Variants in CUX1 observed in about 807,000 individuals in gnomAD.
CUX1 encodes the protein protein CASP.
In CUX1, 31 loss-of-function variants were observed where a neutral mutation model predicts 158.8. The ratio of observed to expected loss-of-function variants is 0.20; its 90% confidence interval spans 0.15 to 0.26. The LOEUF is 0.26. Ranked by LOEUF, CUX1 falls within the 10% of genes least tolerant of loss-of-function variation. The pLI, the probability that CUX1 is intolerant of heterozygous loss-of-function variation, is 1.00. For synonymous variants in CUX1, 879 were observed against 862.1 expected (o/e 1.02, Z -0.34); for missense variants, 1,589 against 2,014.6 (o/e 0.79, Z 4.04).
chr7:102,274,049 G>GGCCT, intron 15 of CUX1: 3 of 578,040 alleles, frequency 5.2e-6, no homozygotes, highest in Non-Finnish European at 9.6e-6. Context: ...GAGTGACTCA[G>GGCCT]GGCCCAGCCA....
intron 2 of CUX1, among the ~76,000 whole-genome samples, chr7:101,966,826 T>A (rs1238522233): frequency 6.6e-6 from 1 of 151,992 alleles, no homozygotes; most frequent in African/African-American, 2.4e-5. Context: ...GCCTAGGGGA[T>A]CCTCTGGGCC....
intron 2 of CUX1, among the ~76,000 whole-genome samples, chr7:101,978,571 C>G (rs984244732): frequency 6.6e-6 from 1 of 152,282 alleles, no homozygotes; most frequent in African/African-American, 2.4e-5. Context: ...AGTTTTATTT[C>G]TAACGAATGC....
chr7:102,157,032 C>T (rs1289768357), intron 8 of CUX1, among the ~76,000 whole-genome samples: 1 of 152,218 alleles, frequency 6.6e-6, no homozygotes, highest in Admixed American at 6.5e-5. Context: ...GACGAGAAGG[C>T]ATTCAGGCAG....
chr7:102,097,278 G>A (rs1321312010), intron 4 of CUX1, 86 bp from the exon 5 acceptor site: 20 of 1,482,748 alleles, frequency 1.3e-5, no homozygotes, highest in Non-Finnish European at 1.7e-5. Context: ...TGATGTCCCA[G>A]GAGCCCCACT....
At chr7:102,008,881 G>A (rs935752675) in intron 2 of CUX1, among the ~76,000 whole-genome samples, 4 of 152,224 alleles carry the variant, frequency 2.6e-5, no homozygotes, top group Non-Finnish European at 5.9e-5. Flanking sequence ...GGGCACAGAT[G>A]TAGGTGGAGC....
At position 102,254,830 on chromosome 7, in the gene CUX1, G is replaced by T. The variant is rs782008455; in HGVS notation, c.*5788G>T. ...GAATGCCAGTCTGGCCGGCACACTC[G>T]AACGCTAAGAGAATGGTCCAATTTG... On this transcript the variant is annotated 3_prime_UTR_variant, in exon 24 of 24. Coordinates refer to ENST00000292535, the MANE Select transcript of CUX1 (RefSeq NM_181552.4). The T allele has an allele frequency of 7.4e-5, 73 of 985,450 alleles. No homozygotes were observed. Among genetic ancestry groups the T allele is most frequent in the Middle Eastern group, 5.2e-4 (1 of 1,914 alleles). The allele number at this position is 985,450 out of a possible 1,614,324, so 61.0% of individuals were successfully genotyped here.
chr7:101,913,687 G>C (rs1014687970), intron 1 of CUX1, among the ~76,000 whole-genome samples: 50 of 152,126 alleles, frequency 3.3e-4, no homozygotes, highest in African/African-American at 1.2e-3. Flanking sequence ...ATCGGTAGAT[G>C]CCCACCGATT....
At chr7:102,222,014 T>G (rs1554527102) in intron 20 of CUX1, among the ~76,000 whole-genome samples, 1 of 152,070 alleles carries the variant, frequency 6.6e-6, no homozygotes, top group Non-Finnish European at 1.5e-5. Flanking sequence ...ATCCCAGCAC[T>G]TTGGGAGGCA....
intron 11 of CUX1, among the ~76,000 whole-genome samples, chr7:102,186,513 AAATGCGTCAATAGGTG>A (rs1793629544): frequency 6.6e-6 from 1 of 152,258 alleles, no homozygotes; most frequent in South Asian, 2.1e-4. Flanking sequence ...GTGTTCTGAG[AAATGCGTCAATAGGTG>A]AATGCGTTGT....
chr7:102,041,479 C>G (rs1822087717), intron 3 of CUX1, among the ~76,000 whole-genome samples: 2 of 151,240 alleles, frequency 1.3e-5, no homozygotes, highest in African/African-American at 4.9e-5. Context: ...GTCTTGAACT[C>G]CTGGCCTCAA....
At chr7:102,207,631 C>T (rs1554522072) in intron 20 of CUX1, among the ~76,000 whole-genome samples, 2 of 152,008 alleles carry the variant, frequency 1.3e-5, no homozygotes, top group Middle Eastern at 3.4e-3. Context: ...TTTGTAGTTT[C>T]GGTAGTGACA....
chr7:102,028,988 A>ATTTTTT (rs71519103), intron 3 of CUX1, among the ~76,000 whole-genome samples: 4 of 114,246 alleles, frequency 3.5e-5, no homozygotes, highest in Non-Finnish European at 3.5e-5. Context: ...AGTCTTAGGG[A>ATTTTTT]TTTTTTTTTT....
chr7:102,032,703 T>C (rs1461383613), intron 3 of CUX1, among the ~76,000 whole-genome samples: 1 of 151,650 alleles, frequency 6.6e-6, no homozygotes, highest in African/African-American at 2.4e-5. Context: ...AATAAAAGTT[T>C]CAGATAATGA....
chr7:101,998,826 T>A (rs1482705883), intron 2 of CUX1, among the ~76,000 whole-genome samples: 1 of 152,186 alleles, frequency 6.6e-6, no homozygotes, highest in Non-Finnish European at 1.5e-5. Context: ...TCCAGCTCTC[T>A]CTTCGTCGCT....
chr7:102,253,490 C>A lies in CUX1; in HGVS notation c.*4448C>A, dbSNP rs1266594732. ...GGTTGGACTGGATGACTTTGTTCCT[C>A]CTGCATGCATGTCCTTTGATGCAAG... On this transcript the variant is annotated 3_prime_UTR_variant, in exon 24 of 24. Coordinates refer to ENST00000292535, the MANE Select transcript of CUX1 (RefSeq NM_181552.4). 14 of 985,362 alleles carry A rather than the reference C, an allele frequency of 1.4e-5. No homozygotes were observed. The highest frequency in any genetic ancestry group is 1.7e-5 in the African/African-American group (1 of 57,252). The allele number at this position is 985,362 out of a possible 1,614,324, so 61.0% of individuals were successfully genotyped here. A position where few individuals can be genotyped will look rare whatever the true frequency, so the allele number is the denominator to read the frequency against.
chr7:101,977,612 C>T (rs190213041), intron 2 of CUX1, among the ~76,000 whole-genome samples: 1 of 152,092 alleles, frequency 6.6e-6, no homozygotes, highest in African/African-American at 2.4e-5. Context: ...CACTGTACTC[C>T]AGCCTGGGCA....
At chr7:102,281,008 T>C (rs569584751) in intron 20 of CUX1, 4 of 692,064 alleles carry the variant, frequency 5.8e-6, no homozygotes, top group African/African-American at 5.3e-5. Context: ...TCTCTCCCCT[T>C]CCCGGGCAGA....
rs200284322 is a variant in CUX1, at chr7:102,032,666, C to G, written c.189+4521C>G. Among the ~76,000 whole-genome samples, 220 of 118,042 alleles carry G rather than the reference C, an allele frequency of 1.9e-3. 4 individuals carry two copies. The East Asian group carries it at 0.071, about 38-fold the overall frequency. 77.4% of individuals were successfully genotyped at this position (118,042 alleles called of 152,430 possible). A position where few individuals can be genotyped will look rare whatever the true frequency, so the allele number is the denominator to read the frequency against. ...CTAGCCTGGGTGACAGAGTGAGACTCCGTCTAAATAAATAAATAAATAAAT... is the reference window on the plus strand; with the variant it reads ...CTAGCCTGGGTGACAGAGTGAGACTGCGTCTAAATAAATAAATAAATAAAT... On this transcript the variant is annotated intron_variant, in intron 3 of 23. Coordinates refer to ENST00000292535, the MANE Select transcript of CUX1 (RefSeq NM_181552.4).
chr7:102,203,486 G>A (rs937860668), intron 18 of CUX1, among the ~76,000 whole-genome samples: 57 of 152,082 alleles, frequency 3.7e-4, no homozygotes, highest in African/African-American at 1.3e-3. Context: ...AAAAGGTGAA[G>A]GGGGGCGACT....
Sources: allele counts gnomAD v4.1 joint callset (sites outside exome capture counted in the v4.1 genomes callset), GRCh38; gene constraint gnomAD v4.1.1; transcripts MANE v1.5; gene names NCBI Gene and HGNC (gene_info 2026-07-23, HGNC 2026-07-21).